The following BBS4 variants were observed in gnomAD, a reference collection of about 807,000 sequenced individuals.
BBS4 encodes the protein BBSome complex member BBS4.
A neutral mutation model predicts 71.4 loss-of-function variants in BBS4; 58 were observed. That is an observed-to-expected ratio of 0.81 (90% CI 0.66 to 1.01). The LOEUF (loss-of-function observed/expected upper bound fraction) is 1.01, where lower values mean the gene tolerates loss of function less well. Among genes scored for constraint, BBS4 ranks in the 50% least tolerant of loss-of-function variants. BBS4 has a pLI of 0.00. For synonymous variants in BBS4, 228 were observed against 216.8 expected (o/e 1.05, Z -0.46); for missense variants, 660 against 607.9 (o/e 1.09, Z -0.90).
chr15:72,706,297 C>T (rs1272071381), intron 2 of BBS4, among the ~76,000 whole-genome samples: 5 of 151,948 alleles, frequency 3.3e-5, no homozygotes, highest in African/African-American at 9.7e-5. Flanking sequence ...CCACCACTCC[C>T]GGCTAATTTT....
chr15:72,692,552 A>G (rs960139656), intron 1 of BBS4, among the ~76,000 whole-genome samples: 9 of 151,746 alleles, frequency 5.9e-5, no homozygotes, highest in Admixed American at 3.9e-4. Context: ...AACTCAAGCA[A>G]TCGGCCTGCC....
chr15:72,722,518 G>T (rs1404701468), intron 6 of BBS4, among the ~76,000 whole-genome samples: 1 of 152,190 alleles, frequency 6.6e-6, no homozygotes, highest in South Asian at 2.1e-4. Context: ...AAAGGTATGG[G>T]GATGGGCTGG....
chr15:72,731,065 C>CTT lies in BBS4; in HGVS notation c.712-210_712-209dup, dbSNP rs35004414. Among the ~76,000 whole-genome samples the CTT allele has an allele frequency of 4.2e-3, 326 of 77,634 alleles. 4 individuals carry two copies. Among genetic ancestry groups the CTT allele is most frequent in the Non-Finnish European group, 5.4e-3 (227 of 41,816 alleles). The allele number at this position is 77,634 out of a possible 152,430, so 50.9% of individuals were successfully genotyped here. The stretch of plus-strand genomic sequence containing the variant: ...ATGGGTAAAGCAAGTAACATTTTAT[C>CTT]TTTTTTTTTTTTTTTTTTTTTTTTT... On this transcript the variant is annotated intron_variant, in intron 10 of 15. Coordinates refer to ENST00000268057, the MANE Select transcript of BBS4 (RefSeq NM_033028.5).
At chr15:72,698,064 T>G (rs765880393) in intron 2 of BBS4, 70 of 455,736 alleles carry the variant, frequency 1.5e-4, no homozygotes, top group South Asian at 1.1e-3. Flanking sequence ...ACTGCTTGAG[T>G]CTATTTTCTT....
At chr15:72,696,449 TAATC>T (rs1223170585) in intron 2 of BBS4, among the ~76,000 whole-genome samples, 1 of 152,210 alleles carries the variant, frequency 6.6e-6, no homozygotes, top group African/African-American at 2.4e-5. Flanking sequence ...AGTAGCACCA[TAATC>T]AAGTTATAAA....
At chr15:72,722,302 G>A (rs1039249399) in intron 6 of BBS4, among the ~76,000 whole-genome samples, 1 of 152,198 alleles carries the variant, frequency 6.6e-6, no homozygotes, top group East Asian at 1.9e-4. Context: ...ACATCACCTA[G>A]TAAATTTAGT....
intron 1 of BBS4, among the ~76,000 whole-genome samples, chr15:72,689,906 G>A (rs569306267): frequency 4.4e-4 from 67 of 152,166 alleles, no homozygotes; most frequent in African/African-American, 1.5e-3. Context: ...CGCCTCCCGG[G>A]TTCACGCCAT....
chr15:72,734,929 C>T (rs918652561), intron 12 of BBS4, 184 bp from the exon 13 acceptor site: 2 of 607,676 alleles, frequency 3.3e-6, no homozygotes, highest in Non-Finnish European at 6.1e-6. Context: ...AAAAAGGATG[C>T]ATAGAACCTG....
chr15:72,710,885 GTT>G (rs2065357111), intron 3 of BBS4, among the ~76,000 whole-genome samples: 1 of 151,168 alleles, frequency 6.6e-6, no homozygotes, highest in African/African-American at 2.4e-5. Context: ...CCGCTTTCCA[GTT>G]TCAAGCAATT....
intron 2 of BBS4, among the ~76,000 whole-genome samples, chr15:72,709,415 G>A (rs1239249865): frequency 6.6e-6 from 1 of 152,162 alleles, no homozygotes; most frequent in African/African-American, 2.4e-5. Flanking sequence ...GAGAAGAGAC[G>A]AAGGATGATT....
At chr15:72,696,956 G>A (rs982732742) in intron 2 of BBS4, among the ~76,000 whole-genome samples, 4 of 148,544 alleles carry the variant, frequency 2.7e-5, no homozygotes, top group East Asian at 2.0e-4. Context: ...TTTTTGAGGC[G>A]GAGGCTCGCT....
chr15:72,692,304 ATTTTTTTT>A lies in BBS4; in HGVS notation c.25-2851_25-2844del, dbSNP rs398027909. On this transcript the variant is annotated intron_variant, in intron 1 of 15. Coordinates refer to ENST00000268057, the MANE Select transcript of BBS4 (RefSeq NM_033028.5). The stretch of plus-strand genomic sequence containing the variant: ...TCTTAATGTGATAATTTACATTGCA[ATTTTTTTT>A]TTTTTTTTTTTTTTTTTTTTTGAGA... Among the ~76,000 whole-genome samples, 85 of 59,282 alleles carry A rather than the reference ATTTTTTTT, an allele frequency of 1.4e-3. No homozygotes were observed. In the South Asian group the frequency reaches 0.031, roughly 22 times the overall value. 38.9% of individuals were successfully genotyped at this position (59,282 alleles called of 152,430 possible).
At chr15:72,698,028 CA>C in intron 2 of BBS4, 1 of 455,910 alleles carries the variant, frequency 2.2e-6, no homozygotes, top group Non-Finnish European at 4.4e-6. Flanking sequence ...AGATCTTACC[CA>C]TCATTGAGGT....
intron 1 of BBS4, chr15:72,686,941 A>T (rs1276820599): frequency 4.5e-6 from 1 of 222,916 alleles, no homozygotes; most frequent in Non-Finnish European, 9.2e-6. Context: ...TTCGGAATTT[A>T]TTGTCTTTCG....
chr15:72,697,504 ATTG>A (rs776512594), intron 2 of BBS4, among the ~76,000 whole-genome samples: 69 of 152,278 alleles, frequency 4.5e-4, no homozygotes, highest in Non-Finnish European at 9.3e-4. Context: ...GTAGCACTTA[ATTG>A]TAACAACCAA....
At chr15:72,701,432 G>C (rs1185724763) in intron 2 of BBS4, among the ~76,000 whole-genome samples, 1 of 152,104 alleles carries the variant, frequency 6.6e-6, no homozygotes, top group Non-Finnish European at 1.5e-5. Flanking sequence ...GAAGAGTCTT[G>C]TACATGTTTT....
At chr15:72,718,484 G>T (rs972784944) in intron 6 of BBS4, among the ~76,000 whole-genome samples, 6 of 152,302 alleles carry the variant, frequency 3.9e-5, no homozygotes, top group Middle Eastern at 3.4e-3. Context: ...TTAGTACAGA[G>T]AATTAGCATG....
Position 72,703,009 on chromosome 15 carries a change from C to CT in BBS4, c.77-6691_77-6690insT, listed in dbSNP as rs2065203562. On this transcript the variant is annotated intron_variant, in intron 2 of 15. Coordinates refer to ENST00000268057, the MANE Select transcript of BBS4 (RefSeq NM_033028.5). ...TATTTTTAGTAGAGACGGGGTTTCA[C>CT]CTTTTTTTAGCCGGGATGGTCTCGA... Among the ~76,000 whole-genome samples the CT allele has an allele frequency of 2.9e-4, 4 of 13,688 alleles. No individual in the cohort carries two copies. The Non-Finnish European group carries it at 0.034, about 116-fold the overall frequency. 9.0% of individuals were successfully genotyped at this position (13,688 alleles called of 152,430 possible). A position where few individuals can be genotyped will look rare whatever the true frequency, so the allele number is the denominator to read the frequency against.
At chr15:72,688,274 A>G (rs1211876515) in intron 1 of BBS4, among the ~76,000 whole-genome samples, 1 of 152,090 alleles carries the variant, frequency 6.6e-6, no homozygotes, top group Admixed American at 6.5e-5. Flanking sequence ...TGACTTAGCA[A>G]TTAAGCCTGA....
Sources: gnomAD v4.1 joint callset for allele counts (sites outside exome capture counted in the v4.1 genomes callset) on GRCh38, gnomAD v4.1.1 for gene constraint, MANE v1.5 for transcripts, NCBI Gene and HGNC (gene_info 2026-07-23, HGNC 2026-07-21) for gene names.